The following PRDM16 variants were observed in gnomAD, a reference collection of about 807,000 sequenced individuals.
PRDM16 encodes the protein histone-lysine N-methyltransferase PRDM16.
In PRDM16, 23 loss-of-function variants were observed where a neutral mutation model predicts 110.6. That is an observed-to-expected ratio of 0.21 (90% CI 0.15 to 0.29). PRDM16 has a LOEUF of 0.29. Ranked by LOEUF, PRDM16 falls within the 10% of genes least tolerant of loss-of-function variation. PRDM16 has a pLI of 1.00. For synonymous variants in PRDM16, 799 were observed against 781.8 expected, an observed-to-expected ratio of 1.02 and a Z score of -0.37; for missense variants, 1,615 against 1,794.3, an observed-to-expected ratio of 0.90 and a Z score of 1.81.
intron 3 of PRDM16, among the ~76,000 whole-genome samples, chr1:3,266,258 C>T (rs763602333): frequency 1.3e-5 from 2 of 152,176 alleles, no homozygotes; most frequent in Non-Finnish European, 2.9e-5. Context: ...ATTAAAGAGA[C>T]GTAAACTTCC....
At chr1:3,152,852 G>A (rs748974680) in intron 1 of PRDM16, among the ~76,000 whole-genome samples, 5 of 152,198 alleles carry the variant, frequency 3.3e-5, no homozygotes, top group Non-Finnish European at 7.4e-5. Flanking sequence ...TTGTCCAGAG[G>A]CTTGGGCCCA....
chr1:3,195,143 G>A (rs1019502876), intron 2 of PRDM16, among the ~76,000 whole-genome samples: 9 of 152,190 alleles, frequency 5.9e-5, no homozygotes, highest in African/African-American at 1.9e-4. Flanking sequence ...GTGGGATGGT[G>A]CGGAGCCTGA....
chr1:3,101,546 G>C (rs1023551657), intron 1 of PRDM16, among the ~76,000 whole-genome samples: 5 of 152,244 alleles, frequency 3.3e-5, no homozygotes, highest in African/African-American at 1.2e-4. Flanking sequence ...AGAGGCCACA[G>C]AATCCTGGCA....
At chr1:3,349,219 G>A (rs1221931921) in intron 3 of PRDM16, among the ~76,000 whole-genome samples, 3 of 152,200 alleles carry the variant, frequency 2.0e-5, no homozygotes, top group Admixed American at 1.3e-4. Flanking sequence ...GCATTCCTGG[G>A]CCTGCTCTCT....
In PRDM16 at chr1:3,431,282, C is replaced by T. The variant is rs183995296; in HGVS notation, c.3521+174C>T. Among the ~76,000 whole-genome samples the T allele has an allele frequency of 1.7e-3, 256 of 152,334 alleles. 1 individual carries two copies. Among genetic ancestry groups the T allele is most frequent in the Non-Finnish European group, 3.0e-3 (206 of 68,022 alleles). On this transcript the variant is annotated intron_variant, in intron 15 of 16. Coordinates refer to ENST00000270722, the MANE Select transcript of PRDM16 (RefSeq NM_022114.4). ...CAGGGCAAGGCTGGGCCAGGGGCAA[C>T]GGGGTCAGGGGCCCTTAACCCCCCC...
chr1:3,287,206 G>A (rs1032278022), intron 3 of PRDM16, among the ~76,000 whole-genome samples: 22 of 152,182 alleles, frequency 1.4e-4, no homozygotes, highest in Non-Finnish European at 2.5e-4. Context: ...CCTGAGCGCC[G>A]TAGGAGAGCT....
At chr1:3,121,716 C>T (rs1643097831) in intron 1 of PRDM16, among the ~76,000 whole-genome samples, 1 of 152,266 alleles carries the variant, frequency 6.6e-6, no homozygotes, top group Non-Finnish European at 1.5e-5. Flanking sequence ...GTGCCGCCGA[C>T]AGCCTTGGGG....
chr1:3,273,585 T>C (rs568275868), intron 3 of PRDM16, among the ~76,000 whole-genome samples: 32 of 151,966 alleles, frequency 2.1e-4, no homozygotes, highest in Non-Finnish European at 4.3e-4. Context: ...TGTGCACATG[T>C]GTGGGTAGGT....
chr1:3,172,379 T>G (rs2817128), intron 1 of PRDM16, among the ~76,000 whole-genome samples: 1 of 152,118 alleles, frequency 6.6e-6, no homozygotes, highest in Non-Finnish European at 1.5e-5. Flanking sequence ...CCAGAGACCC[T>G]GAGATCTGGG....
At chr1:3,102,705 G>T (rs573735108) in intron 1 of PRDM16, among the ~76,000 whole-genome samples, 9 of 152,286 alleles carry the variant, frequency 5.9e-5, no homozygotes, top group Admixed American at 1.3e-4. Flanking sequence ...CAAAACCATT[G>T]CCTGAACAAG....
intron 2 of PRDM16, among the ~76,000 whole-genome samples, chr1:3,204,580 G>A (rs1448722610): frequency 6.6e-6 from 1 of 152,260 alleles, no homozygotes. Context: ...TGTGGGTGAG[G>A]TTTTGGGAAT....
intron 3 of PRDM16, among the ~76,000 whole-genome samples, chr1:3,371,955 T>G (rs1001977358): frequency 6.6e-6 from 1 of 152,184 alleles, no homozygotes; most frequent in African/African-American, 2.4e-5. Context: ...GGGCCTCAGC[T>G]CTGCATAGCA....
chr1:3,310,877 G>A (rs1230752145), intron 3 of PRDM16, among the ~76,000 whole-genome samples: 2 of 150,858 alleles, frequency 1.3e-5, no homozygotes, highest in Admixed American at 6.6e-5. Context: ...GCATGTGTGG[G>A]CATGCGTGTG....
intron 1 of PRDM16, among the ~76,000 whole-genome samples, chr1:3,079,279 C>A (rs550470748): frequency 2.5e-4 from 38 of 152,266 alleles, no homozygotes; most frequent in African/African-American, 8.2e-4. Flanking sequence ...CCCCTTCCAG[C>A]CTCACATCAG....
At chr1:3,278,909 C>T (rs754903049) in intron 3 of PRDM16, among the ~76,000 whole-genome samples, 1 of 152,236 alleles carries the variant, frequency 6.6e-6, no homozygotes, top group Non-Finnish European at 1.5e-5. Context: ...GCCGTGGCCT[C>T]TCCCATCCTC....
rs144466361 is a variant in PRDM16, at chr1:3,134,035, C to T, written c.38-52090C>T. Among the ~76,000 whole-genome samples the T allele has an allele frequency of 6.6e-5, 10 of 152,320 alleles. No homozygotes were observed. The East Asian group carries it at 7.7e-4, about 12-fold the overall frequency. On this transcript the variant is annotated intron_variant, in intron 1 of 16. Coordinates refer to ENST00000270722, the MANE Select transcript of PRDM16 (RefSeq NM_022114.4). ...ACTGGGGAAAAAAGGTCAGGCAGCG[C>T]GTCCAGTTCAGGGAGCGTGTCCAGT...
chr1:3,137,739 G>A (rs1376088677), intron 1 of PRDM16, among the ~76,000 whole-genome samples: 1 of 152,264 alleles, frequency 6.6e-6, no homozygotes, highest in Non-Finnish European at 1.5e-5. Context: ...GAGCATGCCT[G>A]CTCTTCGCAG....
chr1:3,211,844 C>T (rs552935503), intron 2 of PRDM16, among the ~76,000 whole-genome samples: 7 of 152,244 alleles, frequency 4.6e-5, no homozygotes, highest in Non-Finnish European at 1.0e-4. Flanking sequence ...CGTGCATCCA[C>T]GCCTGGCGGC....
intron 2 of PRDM16, among the ~76,000 whole-genome samples, chr1:3,203,634 C>T (rs746774401): frequency 5.9e-5 from 9 of 152,172 alleles, no homozygotes; most frequent in Non-Finnish European, 1.2e-4. Flanking sequence ...CTTGCAGACA[C>T]GGTGCCCTCG....
Sources: gnomAD v4.1 joint callset for allele counts (sites outside exome capture counted in the v4.1 genomes callset) on GRCh38, gnomAD v4.1.1 for gene constraint, MANE v1.5 for transcripts, NCBI Gene and HGNC (gene_info 2026-07-23, HGNC 2026-07-21) for gene names.